The following CACNA1D variants were observed in gnomAD, a reference collection of about 807,000 sequenced individuals.
CACNA1D encodes calcium voltage-gated channel subunit alpha1 D.
In CACNA1D, 55 loss-of-function variants were observed where a neutral mutation model predicts 257.1. The ratio of observed to expected loss-of-function variants is 0.21; its 90% confidence interval spans 0.17 to 0.27. CACNA1D has a LOEUF of 0.27. CACNA1D is among the 10% of genes least tolerant of loss of function. The pLI is 1.00. For missense variants in CACNA1D, 1,876 were observed against 2,784.0 expected (o/e 0.67, Z 7.34); for synonymous variants, 980 against 1,014.9 (o/e 0.97, Z 0.65).
chr3:53,517,459 C>T (rs1034100228), intron 3 of CACNA1D, among the ~76,000 whole-genome samples: 1 of 151,752 alleles, frequency 6.6e-6, no homozygotes, highest in Non-Finnish European at 1.5e-5. Flanking sequence ...GGAGCTGCAT[C>T]ACCATTTTCT....
At chr3:53,634,796 G>A (rs2093862606) in intron 3 of CACNA1D, among the ~76,000 whole-genome samples, 1 of 152,166 alleles carries the variant, frequency 6.6e-6, no homozygotes, top group African/African-American at 2.4e-5. Flanking sequence ...GAGAGGATGA[G>A]GAGACCGTTG....
At chr3:53,592,450 C>A (rs2093318511) in intron 3 of CACNA1D, among the ~76,000 whole-genome samples, 1 of 152,082 alleles carries the variant, frequency 6.6e-6, no homozygotes. Flanking sequence ...CCTAAAAGGG[C>A]CTTGGATGTT....
intron 42 of CACNA1D, 39 bp downstream of exon 42, chr3:53,801,464 TCTGC>T: frequency 6.2e-7 from 1 of 1,610,516 alleles, no homozygotes; most frequent in Non-Finnish European, 8.5e-7. Context: ...TCATGTGGTG[TCTGC>T]CCGTGTTGCG....
chr3:53,651,256 T>G lies in CACNA1D; in HGVS notation c.623+338T>G, dbSNP rs537755933. Among the ~76,000 whole-genome samples the G allele has an allele frequency of 2.6e-5, 4 of 152,226 alleles. No homozygotes were observed. The East Asian group carries it at 7.7e-4, about 29-fold the overall frequency. On this transcript the variant is annotated intron_variant, in intron 4 of 47. Transcript: ENST00000350061. ...GTGATTAGAGTCAAATGAGTAGAGC[T>G]TTTAATACTTAGTGCCAATGTTAAG...
chr3:53,734,571 G>T (rs934771511), intron 19 of CACNA1D, among the ~76,000 whole-genome samples: 1 of 151,992 alleles, frequency 6.6e-6, no homozygotes, highest in Non-Finnish European at 1.5e-5. Context: ...CTAACCAGGC[G>T]CAGGGCACAT....
At position 53,788,342 on chromosome 3, in the gene CACNA1D, G is replaced by A. The variant is rs779353819; in HGVS notation, c.4923+1390G>A. On this transcript the variant is annotated intron_variant, in intron 40 of 47. Coordinates refer to ENST00000350061, the MANE Select transcript of CACNA1D (RefSeq NM_001128840.3). ...CAGTGATCTTCCTGCCTCTCATCACGTATCCTAAAGGTAGCTGAGGGAATC... is the reference window on the plus strand; with the variant it reads ...CAGTGATCTTCCTGCCTCTCATCACATATCCTAAAGGTAGCTGAGGGAATC... 5.3e-4 allele frequency among the ~76,000 whole-genome samples: 80 copies of A among 152,254 alleles called. No individual in the cohort carries two copies. In the South Asian group the frequency reaches 7.5e-3, roughly 14 times the overall value.
At chr3:53,768,115 T>C (rs1395315964) in intron 30 of CACNA1D, among the ~76,000 whole-genome samples, 1 of 152,222 alleles carries the variant, frequency 6.6e-6, no homozygotes, top group East Asian at 1.9e-4. Flanking sequence ...TTGCTGACTT[T>C]CACAAACTCT....
At chr3:53,786,747 CAG>C in intron 39 of CACNA1D, 73 bp from the exon 40 acceptor site, 3 of 1,310,942 alleles carry the variant, frequency 2.3e-6, no homozygotes, top group Admixed American at 3.5e-5. Context: ...GCCCCTGCCC[CAG>C]CCAGAAGCAA....
At chr3:53,596,537 A>T (rs1056049112) in intron 3 of CACNA1D, among the ~76,000 whole-genome samples, 1 of 152,134 alleles carries the variant, frequency 6.6e-6, no homozygotes, top group Non-Finnish European at 1.5e-5. Context: ...GAATCTTGAG[A>T]TGGAAAGATT....
intron 39 of CACNA1D, among the ~76,000 whole-genome samples, chr3:53,784,443 G>C (rs555218496): frequency 2.0e-5 from 3 of 152,190 alleles, no homozygotes; most frequent in East Asian, 1.9e-4. Context: ...GACTTTTCTT[G>C]TTCTTAGGAA....
intron 35 of CACNA1D, 119 bp from the exon 36 acceptor site, chr3:53,776,484 A>T: frequency 8.2e-7 from 1 of 1,224,036 alleles, no homozygotes; most frequent in Non-Finnish European, 1.2e-6. Flanking sequence ...AAGTTTTTAC[A>T]ACTTCTCTTG....
At chr3:53,648,993 A>G (rs1207052865) in intron 3 of CACNA1D, among the ~76,000 whole-genome samples, 3 of 152,170 alleles carry the variant, frequency 2.0e-5, no homozygotes, top group Admixed American at 1.3e-4. Flanking sequence ...ACCAGTGAAG[A>G]GTGGAGAATG....
rs756361385 is a variant in CACNA1D at position 53,723,205 on chromosome 3, A to T, written c.1667-229A>T. Among the ~76,000 whole-genome samples the T allele has an allele frequency of 6.6e-6, 1 of 152,164 alleles. No homozygotes were observed. ...ACACTGAGACCTGGAGAAATCAAGT[A>T]ACTTCTCCAGAGTCACACACATAGC... On this transcript the variant is annotated intron_variant, in intron 12 of 47. Transcript: ENST00000350061. The surrounding 1 kb of genome is among the most constrained non-coding windows in gnomAD (Gnocchi z 5.6).
chr3:53,634,114 A>C (rs762423686), intron 3 of CACNA1D, among the ~76,000 whole-genome samples: 7 of 152,218 alleles, frequency 4.6e-5, no homozygotes, highest in Non-Finnish European at 8.8e-5. Flanking sequence ...ATGGTGAACT[A>C]TATTGACATA....
intron 7 of CACNA1D, among the ~76,000 whole-genome samples, chr3:53,672,284 C>A (rs1186578067): frequency 6.6e-6 from 1 of 152,186 alleles, no homozygotes; most frequent in Non-Finnish European, 1.5e-5. Flanking sequence ...GGCTGCTTCT[C>A]CTTTCTGTGG....
At chr3:53,612,728 C>T (rs576046827) in intron 3 of CACNA1D, among the ~76,000 whole-genome samples, 28 of 152,220 alleles carry the variant, frequency 1.8e-4, no homozygotes, top group Non-Finnish European at 2.8e-4. Flanking sequence ...TTCTGCTTGG[C>T]GCCCCCACTC....
intron 40 of CACNA1D, chr3:53,799,876 C>G (rs142451051): frequency 4.3e-4 from 143 of 331,568 alleles, no homozygotes; most frequent in African/African-American, 2.4e-3. Flanking sequence ...TTGCCCTGCT[C>G]TGGGCTTGGA....
At chr3:53,608,554 T>C (rs192990151) in intron 3 of CACNA1D, among the ~76,000 whole-genome samples, 1 of 152,224 alleles carries the variant, frequency 6.6e-6, no homozygotes, top group African/African-American at 2.4e-5. Context: ...TTGTCTTGTT[T>C]GTGATCTTAG....
At chr3:53,787,024 C>G in intron 40 of CACNA1D, 72 bp downstream of exon 40, 1 of 1,504,010 alleles carries the variant, frequency 6.6e-7, no homozygotes, top group South Asian at 1.1e-5. Flanking sequence ...TACTAGAGAG[C>G]TGCCTATTCA....
Sources: allele counts gnomAD v4.1 joint callset (sites outside exome capture counted in the v4.1 genomes callset), GRCh38; gene constraint gnomAD v4.1.1; non-coding constraint Gnocchi (gnomAD v3.1); transcripts MANE v1.5; gene names NCBI Gene and HGNC (gene_info 2026-07-23, HGNC 2026-07-21).